EHBP1: variants seen among roughly 807,000 people sequenced by gnomAD.
EHBP1 encodes the protein EH domain binding protein 1, also known as EH domain-binding protein 1.
In EHBP1, 55 loss-of-function variants were observed where a neutral mutation model predicts 144.0. The ratio of observed to expected loss-of-function variants is 0.38; its 90% CI spans 0.31 to 0.48. The LOEUF (loss-of-function observed/expected upper bound fraction) is 0.48. Ranked by LOEUF, EHBP1 falls within the 20% of genes least tolerant of loss-of-function variation. The probability of loss-of-function intolerance (pLI) is 0.98; values close to 1 mark genes in which losing one functional copy is unlikely to be tolerated. For synonymous variants in EHBP1, 469 were observed against 472.7 expected, an observed-to-expected ratio of 0.99 and a Z score of 0.10; for missense variants, 1,200 against 1,364.2, an observed-to-expected ratio of 0.88 and a Z score of 1.90.
intron 1 of EHBP1, among the ~76,000 whole-genome samples, chr2:62,688,885 G>A (rs1179651687): frequency 6.6e-6 from 1 of 151,852 alleles, no homozygotes; most frequent in Admixed American, 6.6e-5. Flanking sequence ...CTTTTTGGTC[G>A]AGGAGTGATG....
chr2:62,974,150 C>G (rs2058614299), intron 14 of EHBP1, among the ~76,000 whole-genome samples: 1 of 152,122 alleles, frequency 6.6e-6, no homozygotes, highest in Non-Finnish European at 1.5e-5. Flanking sequence ...AATAAAATTT[C>G]ACTTGAATGT....
chr2:62,935,414 T>G (rs1397049390), intron 10 of EHBP1, among the ~76,000 whole-genome samples: 1 of 151,072 alleles, frequency 6.6e-6, no homozygotes, highest in Non-Finnish European at 1.5e-5. Context: ...GCTTGATAGT[T>G]TTTTATAGCA....
chr2:62,712,138 TTGAG>T (rs1321738194), intron 2 of EHBP1, among the ~76,000 whole-genome samples: 5 of 152,010 alleles, frequency 3.3e-5, no homozygotes, highest in African/African-American at 4.8e-5. Context: ...AGAAAAGTCT[TTGAG>T]TGAGAGAAAG....
intron 3 of EHBP1, among the ~76,000 whole-genome samples, chr2:62,752,405 G>A (rs1356846839): frequency 6.6e-6 from 1 of 152,152 alleles, no homozygotes; most frequent in Non-Finnish European, 1.5e-5. Context: ...CCAACTGTGT[G>A]GTTAATTTTG....
At chr2:62,864,538 A>C (rs2049893044) in intron 8 of EHBP1, among the ~76,000 whole-genome samples, 193 bp from the exon 9 acceptor site, 1 of 152,232 alleles carries the variant, frequency 6.6e-6, no homozygotes, top group South Asian at 2.1e-4. Flanking sequence ...CAGAGATTTT[A>C]GATATCACAT....
In EHBP1 at chr2:63,038,768, C is replaced by A; in HGVS notation, c.3229C>A (p.Arg1077=). The change falls in exon 21 of 23, where the codon CGG becomes AGG. Residue 1077 remains arginine, a synonymous_variant. Coordinates refer to ENST00000431489, the MANE Select transcript of EHBP1 (RefSeq NM_001142616.3). The part of the protein sequence containing the change: ...LLEKEHDLER[R]YELLNRELRA... ...GGAAAAAGAACATGATTTAGAACGACGGTATGAGCTGCTGAACCGGGAATT... is the reference window on the plus strand; with the variant it reads ...GGAAAAAGAACATGATTTAGAACGAAGGTATGAGCTGCTGAACCGGGAATT... 6.2e-7 allele frequency: 1 copy of A among 1,613,298 alleles called. No individual in the cohort carries two copies.
intron 5 of EHBP1, among the ~76,000 whole-genome samples, chr2:62,778,863 T>C (rs982144914): frequency 7.6e-6 from 1 of 131,252 alleles, no homozygotes; most frequent in African/African-American, 2.8e-5. Context: ...TTCTCTCCTT[T>C]AGTTGTTTTT....
intron 15 of EHBP1, among the ~76,000 whole-genome samples, chr2:62,983,276 G>A (rs1400085253): frequency 6.6e-6 from 1 of 151,988 alleles, no homozygotes; most frequent in African/African-American, 2.4e-5. Context: ...AGGGAATAGG[G>A]CCTAAATTTC....
chr2:62,705,202 T>C (rs1352248323), upstream of EHBP1, among the ~76,000 whole-genome samples: 4 of 152,036 alleles, frequency 2.6e-5, no homozygotes, highest in African/African-American at 7.2e-5. Context: ...AAAACCCTAG[T>C]TGCCAGTGGC....
chr2:62,974,477 T>C (rs2058630182), intron 14 of EHBP1, among the ~76,000 whole-genome samples: 1 of 152,224 alleles, frequency 6.6e-6, no homozygotes, highest in South Asian at 2.1e-4. Flanking sequence ...CAACTTTGCG[T>C]ATACCCTTCC....
At chr2:62,747,881 G>C (rs2039308437) in intron 3 of EHBP1, among the ~76,000 whole-genome samples, 2 of 151,992 alleles carry the variant, frequency 1.3e-5, no homozygotes, top group Admixed American at 1.3e-4. Context: ...ACTTGATAGA[G>C]GGAGTTTGTT....
At chr2:62,879,384 C>A (rs1008237171) in intron 10 of EHBP1, among the ~76,000 whole-genome samples, 1 of 151,936 alleles carries the variant, frequency 6.6e-6, no homozygotes, top group Non-Finnish European at 1.5e-5. Context: ...TTGAGAAAAC[C>A]TCATAGTTGC....
At chr2:62,756,768 CAA>C (rs34717027) in intron 3 of EHBP1, among the ~76,000 whole-genome samples, 686 of 76,616 alleles carry the variant, frequency 9.0e-3, no homozygotes, top group African/African-American at 0.022. Context: ...AACTCTATCT[CAA>C]AAAAAAAAAA....
At chr2:62,724,945 A>G (rs955482445) in intron 2 of EHBP1, among the ~76,000 whole-genome samples, 20 of 152,190 alleles carry the variant, frequency 1.3e-4, no homozygotes, top group African/African-American at 4.6e-4. Context: ...ATTGTCTTCC[A>G]TGAAATTGGT....
intron 19 of EHBP1, 136 bp downstream of exon 19, chr2:62,996,902 G>A: frequency 7.9e-7 from 1 of 1,266,610 alleles, no homozygotes; most frequent in Non-Finnish European, 1.1e-6. Context: ...GCTGCGATTT[G>A]CAGCCACCTC....
At chr2:62,973,727 T>C (rs1423532558) in intron 14 of EHBP1, among the ~76,000 whole-genome samples, 2 of 152,134 alleles carry the variant, frequency 1.3e-5, no homozygotes, top group African/African-American at 2.4e-5. Flanking sequence ...GGTCCAGATG[T>C]GGTGGCTCAT....
chr2:62,904,527 G>A (rs2053649083), intron 10 of EHBP1, among the ~76,000 whole-genome samples: 1 of 152,154 alleles, frequency 6.6e-6, no homozygotes, highest in Admixed American at 6.5e-5. Flanking sequence ...GAGCCCATGT[G>A]CTTCACCCCC....
chr2:62,734,805 G>T (rs1341638765), intron 2 of EHBP1, among the ~76,000 whole-genome samples: 2 of 152,280 alleles, frequency 1.3e-5, no homozygotes, highest in African/African-American at 4.8e-5. Flanking sequence ...TGTTGCCAAG[G>T]CTGGTCTTGA....
intron 10 of EHBP1, among the ~76,000 whole-genome samples, chr2:62,910,606 A>T (rs1431424711): frequency 6.6e-6 from 1 of 152,102 alleles, no homozygotes; most frequent in Non-Finnish European, 1.5e-5. Flanking sequence ...AAAAAAAAAA[A>T]TGCACTGAAT....
Sources: allele counts gnomAD v4.1 joint callset (sites outside exome capture counted in the v4.1 genomes callset), GRCh38; gene constraint gnomAD v4.1.1; transcripts MANE v1.5; gene names NCBI Gene and HGNC (gene_info 2026-07-23, HGNC 2026-07-21).